Variants in UNC5D observed in about 807,000 individuals in gnomAD.
The protein encoded by UNC5D is unc-5 netrin receptor D.
Under a neutral mutation model 105.4 loss-of-function variants are expected in UNC5D, and 39 were observed. The ratio of observed to expected loss-of-function variants is 0.37; its 90% CI spans 0.29 to 0.48. The LOEUF (loss-of-function observed/expected upper bound fraction) is 0.48. Ranked by LOEUF, UNC5D falls within the 20% of genes least tolerant of loss-of-function variation. The pLI is 0.98. For missense variants in UNC5D, 991 were observed against 1,202.4 expected (o/e 0.82, Z 2.60); for synonymous variants, 452 against 450.4 (o/e 1.00, Z -0.04).
At position 35,595,987 on chromosome 8, in the gene UNC5D, A is replaced by T. The variant is rs80275298; in HGVS notation, c.570+330A>T. On this transcript the variant is annotated intron_variant, in intron 4 of 16. Transcript: ENST00000404895. Reference sequence around the variant, plus strand: ...GATCTTCTGATATGCATATTGGCTTATGGAACAAATCTGAGCTGTAACAGG... The same window carrying T: ...GATCTTCTGATATGCATATTGGCTTTTGGAACAAATCTGAGCTGTAACAGG... 8.7e-3 allele frequency among the ~76,000 whole-genome samples: 1,331 copies of T among 152,280 alleles called. 17 individuals carry two copies. Among genetic ancestry groups the T allele is most frequent in the African/African-American group, 0.031 (1,276 of 41,554 alleles).
chr8:35,695,088 A>G (rs1271026424), intron 7 of UNC5D, among the ~76,000 whole-genome samples: 1 of 152,200 alleles, frequency 6.6e-6, no homozygotes, highest in Non-Finnish European at 1.5e-5. Flanking sequence ...CATTCTTTAT[A>G]CAAACTATTT....
At chr8:35,683,035 C>T (rs1181479765) in intron 4 of UNC5D, among the ~76,000 whole-genome samples, 5 of 152,166 alleles carry the variant, frequency 3.3e-5, no homozygotes, top group African/African-American at 1.2e-4. Flanking sequence ...TATGATTGCA[C>T]AAATCTGTAT....
At chr8:35,650,803 G>T (rs1458520846) in intron 4 of UNC5D, among the ~76,000 whole-genome samples, 2 of 152,150 alleles carry the variant, frequency 1.3e-5, no homozygotes, top group African/African-American at 4.8e-5. Flanking sequence ...ACAGTACTGG[G>T]CCAGTACAGA....
chr8:35,374,849 C>A (rs1802607940), intron 1 of UNC5D, among the ~76,000 whole-genome samples: 1 of 152,128 alleles, frequency 6.6e-6, no homozygotes, highest in African/African-American at 2.4e-5. Context: ...GTCTGAGATT[C>A]TTTGGGGCTC....
chr8:35,488,867 A>T (rs1811005759), intron 1 of UNC5D, among the ~76,000 whole-genome samples: 1 of 152,166 alleles, frequency 6.6e-6, no homozygotes, highest in African/African-American at 2.4e-5. Context: ...GATGATATTT[A>T]GAGATTTGAC....
rs1391191856 is a variant in UNC5D at position 35,460,750 on chromosome 8, T to TTTTG, written c.104-88526_104-88523dup. 5.9e-5 allele frequency among the ~76,000 whole-genome samples: 9 copies of TTTTG among 152,332 alleles called. No homozygotes were observed. In the South Asian group the frequency reaches 8.3e-4, roughly 14 times the overall value. ...TTATCTATCTCTATCTGGCTGGTTT[T>TTTTG]TTTGTTTGTTTGTTTGTTTTGTTTT... On this transcript the variant is annotated intron_variant, in intron 1 of 16. Coordinates refer to ENST00000404895, the MANE Select transcript of UNC5D (RefSeq NM_080872.4).
At chr8:35,384,314 G>A (rs1803246185) in intron 1 of UNC5D, among the ~76,000 whole-genome samples, 1 of 152,132 alleles carries the variant, frequency 6.6e-6, no homozygotes, top group South Asian at 2.1e-4. Flanking sequence ...ATTTAGAACA[G>A]GCTGTGCACC....
intron 1 of UNC5D, among the ~76,000 whole-genome samples, chr8:35,395,684 AATAC>A (rs1435317614): frequency 6.6e-6 from 1 of 152,232 alleles, no homozygotes; most frequent in African/African-American, 2.4e-5. Context: ...TTCCATCCAG[AATAC>A]ATAGACAACA....
At chr8:35,305,648 CTTTCTTTTCTTTCTCTT>C (rs1254958506) in intron 1 of UNC5D, among the ~76,000 whole-genome samples, 2 of 115,020 alleles carry the variant, frequency 1.7e-5, no homozygotes, top group East Asian at 2.6e-4. Context: ...TCTCTTCTTT[CTTTCTTTTCTTTCTCTT>C]TTTCTTTTCT....
At chr8:35,607,142 T>C (rs1034187813) in intron 4 of UNC5D, among the ~76,000 whole-genome samples, 4 of 152,188 alleles carry the variant, frequency 2.6e-5, no homozygotes, top group Non-Finnish European at 5.9e-5. Context: ...TGAAAAACTT[T>C]CAGTGGCAGC....
At chr8:35,271,718 C>CATATAT (rs1563268332) in intron 1 of UNC5D, among the ~76,000 whole-genome samples, 8 of 45,508 alleles carry the variant, frequency 1.8e-4, no homozygotes, top group Non-Finnish European at 2.3e-4. Context: ...TATATTTATA[C>CATATAT]ATGTATACAT....
At chr8:35,726,578 AT>A (rs1563710729) in intron 10 of UNC5D, 49 bp downstream of exon 10, 1 of 1,581,350 alleles carries the variant, frequency 6.3e-7, no homozygotes, top group South Asian at 1.1e-5. Context: ...TAAATGTTTC[AT>A]TTTTACACAG....
chr8:35,384,222 AAAAAAAAAC>A (rs1803236155), intron 1 of UNC5D, among the ~76,000 whole-genome samples: 1 of 151,774 alleles, frequency 6.6e-6, no homozygotes, highest in Non-Finnish European at 1.5e-5. Context: ...CCATTTCAAA[AAAAAAAAAC>A]AAAAAAAAAC....
chr8:35,468,380 A>G (rs1809466282), intron 1 of UNC5D, among the ~76,000 whole-genome samples: 2 of 152,148 alleles, frequency 1.3e-5, no homozygotes, highest in Admixed American at 6.6e-5. Context: ...AAAATAATGC[A>G]TTGTTGTAAA....
At chr8:35,714,845 A>G (rs1356264255) in intron 8 of UNC5D, among the ~76,000 whole-genome samples, 1 of 152,226 alleles carries the variant, frequency 6.6e-6, no homozygotes, top group Admixed American at 6.5e-5. Flanking sequence ...AGTATGGGCT[A>G]GGCAAATGAA....
chr8:35,584,928 T>A (rs1818690541), intron 3 of UNC5D, among the ~76,000 whole-genome samples: 1 of 152,230 alleles, frequency 6.6e-6, no homozygotes, highest in Non-Finnish European at 1.5e-5. Flanking sequence ...TTTTGGAATA[T>A]GAATGATTTT....
Position 35,619,560 on chromosome 8 carries a change from G to GTGTC in UNC5D, c.570+23915_570+23918dup, listed in dbSNP as rs544626877. The stretch of plus-strand genomic sequence containing the variant: ...GAGCGACTTGCTTCTCAAGCTTTAT[G>GTGTC]TGTCTGTCTGTCTGTTTCAGTGTCC... On this transcript the variant is annotated intron_variant, in intron 4 of 16. Transcript: ENST00000404895. 2.3e-3 allele frequency among the ~76,000 whole-genome samples: 346 copies of GTGTC among 152,312 alleles called. 3 individuals carry two copies. Among genetic ancestry groups the GTGTC allele is most frequent in the African/African-American group, 7.4e-3 (309 of 41,566 alleles).
intron 1 of UNC5D, among the ~76,000 whole-genome samples, chr8:35,248,821 AATATTT>A (rs1289658476): frequency 2.1e-5 from 2 of 93,614 alleles, no homozygotes; most frequent in Non-Finnish European, 3.6e-5. Flanking sequence ...TAATATATAT[AATATTT>A]ATATTTTAAA....
At chr8:35,282,849 T>G (rs939334976) in intron 1 of UNC5D, among the ~76,000 whole-genome samples, 3 of 152,172 alleles carry the variant, frequency 2.0e-5, no homozygotes, top group Admixed American at 2.0e-4. Flanking sequence ...CTAAATATAC[T>G]GATTAGGGCT....
Sources: gnomAD v4.1 joint callset for allele counts (sites outside exome capture counted in the v4.1 genomes callset) on GRCh38, gnomAD v4.1.1 for gene constraint, MANE v1.5 for transcripts, NCBI Gene and HGNC (gene_info 2026-07-23, HGNC 2026-07-21) for gene names.